SREBF1: variants seen among roughly 807,000 people sequenced by gnomAD.
The protein encoded by SREBF1 is sterol regulatory element-binding protein 1.
SREBF1 carries 45 observed loss-of-function variants against 100.1 expected under a neutral mutation model. The observed-to-expected ratio is 0.45, with a 90% confidence interval of 0.35 to 0.58. SREBF1 has a LOEUF of 0.58. SREBF1 is among the 20% of genes least tolerant of loss of function. The pLI, the probability that SREBF1 is intolerant of heterozygous loss-of-function variation, is 0.00. For missense variants in SREBF1, 1,324 were observed against 1,539.4 expected (o/e 0.86, Z 2.34); for synonymous variants, 657 against 681.8 (o/e 0.96, Z 0.57).
rs1294119358 is a variant in SREBF1, at chr17:17,817,638, A to T, written c.1404+58T>A. On this transcript the variant is annotated intron_variant, in intron 7 of 18. Coordinates refer to ENST00000261646, the MANE Select transcript of SREBF1 (RefSeq NM_004176.5). The surrounding 1 kb of genome is among the most constrained non-coding windows in gnomAD (Gnocchi z 6.6). ...CTGTTAGGGTCTTCCCGGCCCTGTC[A>T]TGAGGCTCAGAGGATATGGCTGGGA... The T allele has an allele frequency of 6.2e-7, 1 of 1,605,414 alleles. No individual in the cohort carries two copies. Among genetic ancestry groups the T allele is most frequent in the Non-Finnish European group, 8.5e-7 (1 of 1,173,854 alleles).
chr17:17,831,103 T>C (rs2034834702), intron 1 of SREBF1, among the ~76,000 whole-genome samples: 1 of 34,030 alleles, frequency 2.9e-5, no homozygotes, highest in Non-Finnish European at 9.7e-5. Flanking sequence ...AAGGGAACTT[T>C]ATCTTGGAGC....
At chr17:17,823,058 G>A (rs112947968) in intron 1 of SREBF1, among the ~76,000 whole-genome samples, 36 of 152,342 alleles carry the variant, frequency 2.4e-4, no homozygotes, top group African/African-American at 8.2e-4. Context: ...ATAGATGGGG[G>A]AAACTGAGGC....
chr17:17,814,500 G>A, intron 15 of SREBF1, 90 bp from the exon 16 acceptor site: 1 of 1,537,814 alleles, frequency 6.5e-7, no homozygotes, highest in Non-Finnish European at 8.7e-7. Flanking sequence ...AGTTCCCTGA[G>A]GAAAAAAGGT....
chr17:17,812,717 G>A lies in SREBF1; in HGVS notation c.3349C>T (p.Arg1117Cys). 6.3e-7 allele frequency: 1 copy of A among 1,592,920 alleles called. No homozygotes were observed. Among genetic ancestry groups the A allele is most frequent in the Non-Finnish European group, 8.5e-7 (1 of 1,169,874 alleles). ...CGATCGCCAAGCTTCTCGAGTGTGC[G>A]CGCCGCCTCAGCCAGCATGCCCACG... ...QRVGMLAEAARTLEKLGDRRL... is the reference protein window; with the variant it reads ...QRVGMLAEAACTLEKLGDRRL... Residue 1117 changes from arginine (R) to cysteine (C), a missense_variant, in exon 19 of 19, where the codon CGC becomes TGC. By Grantham distance (180) the Arg-to-Cys change is radical. Coordinates refer to ENST00000261646, the MANE Select transcript of SREBF1 (RefSeq NM_004176.5).
At position 17,815,412 on chromosome 17, in the gene SREBF1, G is replaced by A. The variant is rs938174978; in HGVS notation, c.2384-83C>T. Reference sequence around the variant, plus strand: ...CTAAGGGCTTTTTCCTGGGTGGGCTGGGGCCACACCTAGGGCCACTGGGAA... The same window carrying A: ...CTAAGGGCTTTTTCCTGGGTGGGCTAGGGCCACACCTAGGGCCACTGGGAA... On this transcript the variant is annotated intron_variant, in intron 12 of 18. Transcript: ENST00000261646. 6.8e-6 allele frequency: 8 copies of A among 1,169,510 alleles called. No homozygotes were observed. In the African/African-American group the frequency reaches 1.2e-4, roughly 18 times the overall value. The allele number at this position is 1,169,510 out of a possible 1,614,324, so 72.4% of individuals were successfully genotyped here. A position where few individuals can be genotyped will look rare whatever the true frequency, so the allele number is the denominator to read the frequency against.
Position 17,811,954 on chromosome 17 carries a change from T to TAA in SREBF1, c.*666_*667dup, listed in dbSNP as rs780595528. 2.0e-5 allele frequency: 9 copies of TAA among 447,350 alleles called. No individual in the cohort carries two copies. The highest frequency in any genetic ancestry group is 8.1e-5 in the African/African-American group (4 of 49,102). The allele number at this position is 447,350 out of a possible 1,614,324, so 27.7% of individuals were successfully genotyped here. A position where few individuals can be genotyped will look rare whatever the true frequency, so the allele number is the denominator to read the frequency against. On this transcript the variant is annotated 3_prime_UTR_variant, in exon 19 of 19. Transcript: ENST00000261646. ...CTAACAAACAAACATCGGGAAGAGCTAAGTTAAAAGTTGTGTACCTTGTGG... is the reference window on the plus strand; with the variant it reads ...CTAACAAACAAACATCGGGAAGAGCTAAAAGTTAAAAGTTGTGTACCTTGTGG...
intron 15 of SREBF1, 86 bp downstream of exon 15, chr17:17,814,529 G>A: frequency 3.3e-6 from 5 of 1,535,634 alleles, no homozygotes; most frequent in Non-Finnish European, 3.5e-6. Context: ...CTCCTGCACA[G>A]AACAAAGGCT....
At chr17:17,833,146 G>A (rs1021309609) in intron 1 of SREBF1, among the ~76,000 whole-genome samples, 1 of 151,222 alleles carries the variant, frequency 6.6e-6, no homozygotes, top group Non-Finnish European at 1.5e-5. Flanking sequence ...AGATCCAGCC[G>A]GGCGCGGTGG....
At chr17:17,828,281 AT>A (rs1380795875) in intron 1 of SREBF1, among the ~76,000 whole-genome samples, 3 of 152,132 alleles carry the variant, frequency 2.0e-5, no homozygotes, top group Non-Finnish European at 4.4e-5. Context: ...CTATTCCTCC[AT>A]CAAAACTTGC....
Position 17,836,803 on chromosome 17 carries a change from G to GGGT in SREBF1, c.12_14dup (p.Pro5dup). On this transcript the variant is annotated inframe_insertion, in exon 1 of 19. Transcript: ENST00000261646. ...CCTGCTCCAAAGCCGCCTCGCTGAAGGGTGGCTCGTCCATGGCGCAGCCGC... is the reference window on the plus strand; with the variant it reads ...CCTGCTCCAAAGCCGCCTCGCTGAAGGGTGGTGGCTCGTCCATGGCGCAGCCGC... 5.2e-6 allele frequency: 8 copies of GGGT among 1,542,464 alleles called. No individual in the cohort carries two copies. Among genetic ancestry groups the GGGT allele is most frequent in the Non-Finnish European group, 6.9e-6 (8 of 1,151,084 alleles).
intron 1 of SREBF1, among the ~76,000 whole-genome samples, chr17:17,821,932 A>T (rs1455187816): frequency 6.6e-6 from 1 of 152,236 alleles, no homozygotes; most frequent in Non-Finnish European, 1.5e-5. Context: ...CACAGCTGAG[A>T]GGGTGATGTG....
chr17:17,821,903 T>A (rs1483857866), intron 1 of SREBF1, among the ~76,000 whole-genome samples: 1 of 152,252 alleles, frequency 6.6e-6, no homozygotes, highest in Non-Finnish European at 1.5e-5. Context: ...GGGGCCAGGC[T>A]AGACCCCTAA....
intron 1 of SREBF1, among the ~76,000 whole-genome samples, chr17:17,828,775 A>T (rs963163764): frequency 2.0e-5 from 3 of 152,126 alleles, no homozygotes; most frequent in African/African-American, 7.2e-5. Context: ...ATAGCTGGGC[A>T]TGGTGGCATG....
intron 1 of SREBF1, chr17:17,823,597 G>A: frequency 1.2e-6 from 2 of 1,612,222 alleles, no homozygotes; most frequent in Non-Finnish European, 1.7e-6. Flanking sequence ...CCCTCCCCGC[G>A]CCGACTTCAC....
intron 1 of SREBF1, chr17:17,823,690 AGCCCCGCCCCGCCTGCAGGTCCCGCCCC>A (rs2034289310): frequency 5.4e-6 from 4 of 744,122 alleles, no homozygotes; most frequent in Non-Finnish European, 4.9e-6. Flanking sequence ...GCCCCGCCCC[AGCCCCGCCCCGCCTGCAGGTCCCGCCCC>A]GCCCCGCCCT....
intron 5 of SREBF1, 121 bp downstream of exon 5, chr17:17,818,892 G>T (rs1431491314): frequency 1.7e-6 from 2 of 1,198,158 alleles, no homozygotes; most frequent in South Asian, 1.2e-5. Context: ...GCCTGGGGAG[G>T]CTGAATTCCA....
rs71155305 is a variant in SREBF1 at position 17,829,205 on chromosome 17, AATATATAT to A, written c.91+7514_91+7521del. ...AGACTCCATCTTAAAAAAAAAAAAA[AATATATAT>A]ATATATATATATATATATATATGTA... On this transcript the variant is annotated intron_variant, in intron 1 of 18. Coordinates refer to ENST00000261646, the MANE Select transcript of SREBF1 (RefSeq NM_004176.5). Among the ~76,000 whole-genome samples the A allele has an allele frequency of 6.3e-3, 418 of 65,844 alleles. 14 individuals are homozygous for A. The highest frequency in any genetic ancestry group is 0.012 in the East Asian group (45 of 3,756). The allele number at this position is 65,844 out of a possible 152,430, so 43.2% of individuals were successfully genotyped here. A position where few individuals can be genotyped will look rare whatever the true frequency, so the allele number is the denominator to read the frequency against.
At chr17:17,822,210 A>G (rs1250602876) in intron 1 of SREBF1, among the ~76,000 whole-genome samples, 3 of 152,142 alleles carry the variant, frequency 2.0e-5, no homozygotes, top group African/African-American at 7.2e-5. Context: ...TCCCAAATCT[A>G]TTGTCTCTCT....
Position 17,819,663 on chromosome 17 carries a change from CCCCTGGCG to C in SREBF1, c.578_585del (p.Pro193ArgfsTer137). The C allele has an allele frequency of 1.2e-6, 2 of 1,612,194 alleles. No homozygotes were observed. The highest frequency in any genetic ancestry group is 1.7e-6 in the Non-Finnish European group (2 of 1,179,322). ...TGGGTGTGCAAGGAGACGGGCGGGA[CCCCTGGCG>C]GGGAAGCCAGTGGCAGGCCAGGCAG... On this transcript the variant is annotated frameshift_variant, in exon 3 of 19. Coordinates refer to ENST00000261646, the MANE Select transcript of SREBF1 (RefSeq NM_004176.5). LOFTEE classifies it high-confidence loss of function.
Sources: allele counts gnomAD v4.1 joint callset (sites outside exome capture counted in the v4.1 genomes callset), GRCh38; gene constraint gnomAD v4.1.1; non-coding constraint Gnocchi (gnomAD v3.1); transcripts MANE v1.5; gene names NCBI Gene and HGNC (gene_info 2026-07-23, HGNC 2026-07-21).